ASNS: variants seen among roughly 807,000 people sequenced by gnomAD.
ASNS encodes asparagine synthetase (glutamine-hydrolyzing).
A neutral mutation model predicts 62.6 loss-of-function variants in ASNS; 37 were observed. That is an observed-to-expected ratio of 0.59 (90% CI 0.45 to 0.78). The LOEUF (loss-of-function observed/expected upper bound fraction) is 0.78. ASNS is among the 30% of genes least tolerant of loss of function. The pLI is 0.00. For synonymous variants in ASNS, 207 were observed against 237.9 expected (o/e 0.87, Z 1.19); for missense variants, 520 against 682.4 (o/e 0.76, Z 2.65).
rs557506579 is a variant in ASNS at position 97,854,290 on chromosome 7, G to C, written c.1238+290C>G. Among the ~76,000 whole-genome samples the C allele has an allele frequency of 2.6e-5, 4 of 152,306 alleles. No homozygotes were observed. The East Asian group carries it at 7.7e-4, about 29-fold the overall frequency. On this transcript the variant is annotated intron_variant, in intron 10 of 12. Coordinates refer to ENST00000394308, the MANE Select transcript of ASNS (RefSeq NM_001673.5). ...TTGGTTGTTCAGATGTGAGCAGAAT[G>C]TTGTTACCCTTTAAAGGTGAAAACT...
the ASNS span, among the ~76,000 whole-genome samples, chr7:97,916,696 G>A: frequency 6.6e-6 from 1 of 152,326 alleles, no homozygotes; most frequent in East Asian, 1.9e-4. Context: ...TGTTGCCTGG[G>A]TTTTCTGGAA....
At chr7:97,891,249 C>T in the ASNS span, among the ~76,000 whole-genome samples, 2 of 152,190 alleles carry the variant, frequency 1.3e-5, no homozygotes, top group African/African-American at 2.4e-5. Flanking sequence ...CCTTGTGAGA[C>T]GTATTCACTA....
In ASNS at chr7:97,854,606, G is replaced by A. The variant is rs771358131; in HGVS notation, c.1212C>T (p.Arg404=). Residue 404 remains arginine (R), a synonymous_variant, in exon 10 of 13, where the codon CGC becomes CGT. Coordinates refer to ENST00000394308, the MANE Select transcript of ASNS (RefSeq NM_001673.5). ...LRELYLFDVL[R]ADRTTAAHGL... ...CATGGGCAGCAGTAGTTCGATCTGCGCGGAGAACATCAAACAAATAGAGTT... is the reference window on the plus strand; with the variant it reads ...CATGGGCAGCAGTAGTTCGATCTGCACGGAGAACATCAAACAAATAGAGTT... 23 of 1,613,868 alleles carry A rather than the reference G, an allele frequency of 1.4e-5. No individual in the cohort carries two copies. Among genetic ancestry groups the A allele is most frequent in the East Asian group, 8.9e-5 (4 of 44,878 alleles).
the ASNS span, among the ~76,000 whole-genome samples, chr7:97,900,360 CAAA>C: frequency 4.8e-3 from 433 of 89,348 alleles, no homozygotes; most frequent in African/African-American, 0.023. Context: ...GACTTTGTCT[CAAA>C]AAAAAAAAAA....
the ASNS span, among the ~76,000 whole-genome samples, chr7:97,919,444 A>G: frequency 6.6e-6 from 1 of 152,194 alleles, no homozygotes; most frequent in South Asian, 2.1e-4. Context: ...ATCTGGTCCA[A>G]TTGCAAGAGT....
chr7:97,871,831 T>C (rs937180227), intron 1 of ASNS: 41 of 150,710 alleles, frequency 2.7e-4, no homozygotes, highest in Non-Finnish European at 4.9e-4. Flanking sequence ...GGGTGAGCGG[T>C]CCAGGTGAGG....
At chr7:97,890,829 T>C in the ASNS span, among the ~76,000 whole-genome samples, 1 of 152,216 alleles carries the variant, frequency 6.6e-6, no homozygotes, top group Non-Finnish European at 1.5e-5. Context: ...TTGTTTGTTG[T>C]GGTCCTACAA....
the ASNS span, among the ~76,000 whole-genome samples, chr7:97,910,403 T>C: frequency 6.6e-6 from 1 of 152,196 alleles, no homozygotes; most frequent in African/African-American, 2.4e-5. Flanking sequence ...ACACTCCACG[T>C]GCACTATTTA....
chr7:97,913,015 G>A, the ASNS span: 1 of 151,846 alleles, frequency 6.6e-6, no homozygotes, highest in Non-Finnish European at 1.5e-5. Context: ...GCTCTCACCT[G>A]CCATCTAATC....
At chr7:97,878,489 C>T in the ASNS span, among the ~76,000 whole-genome samples, 16 of 152,306 alleles carry the variant, frequency 1.1e-4, 2 homozygotes, top group African/African-American at 3.1e-4. Context: ...CACAAGCATT[C>T]GTATACACCA....
chr7:97,871,344 T>C (rs1584479814), intron 1 of ASNS, among the ~76,000 whole-genome samples: 2 of 152,176 alleles, frequency 1.3e-5, no homozygotes, highest in African/African-American at 2.4e-5. Flanking sequence ...GCAGTTTCAG[T>C]GCATTTAATT....
chr7:97,870,428 T>C lies in ASNS; in HGVS notation c.-59-615A>G, dbSNP rs17169200. On this transcript the variant is annotated intron_variant, in intron 1 of 12. Coordinates refer to ENST00000394308, the MANE Select transcript of ASNS (RefSeq NM_001673.5). The stretch of plus-strand genomic sequence containing the variant: ...CCTAAGGAAAAAATATACATTCAAG[T>C]TGCATAAGTCACTTTGAGCTATTCT... 6.7e-3 allele frequency: 1,646 copies of C among 246,852 alleles called. 21 individuals carry two copies. The highest frequency in any genetic ancestry group is 0.025 in the African/African-American group (1,127 of 44,402). The allele number at this position is 246,852 out of a possible 1,614,324, so 15.3% of individuals were successfully genotyped here.
the ASNS span, among the ~76,000 whole-genome samples, chr7:97,915,551 A>G: frequency 6.6e-6 from 1 of 152,328 alleles, no homozygotes; most frequent in African/African-American, 2.4e-5. Flanking sequence ...AGGAAGCCGT[A>G]GCTGAGCTAG....
At chr7:97,907,855 C>A in the ASNS span, among the ~76,000 whole-genome samples, 1 of 151,192 alleles carries the variant, frequency 6.6e-6, no homozygotes, top group Non-Finnish European at 1.5e-5. Context: ...AATTTTATAG[C>A]CAGCTAAATT....
chr7:97,855,476 A>AAATTAACT lies in ASNS; in HGVS notation c.1031-25_1031-18dup, dbSNP rs763998170. The AAATTAACT allele has an allele frequency of 6.3e-7, 1 of 1,575,700 alleles. No individual in the cohort carries two copies. The highest frequency in any genetic ancestry group is 1.7e-5 in the Admixed American group (1 of 58,968). ...AATACATACCTTAAATGAGAGAGAG[A>AAATTAACT]AATTAACTTTAATGTCAACATAACC... On this transcript the variant is annotated splice_polypyrimidine_tract_variant and intron_variant, in intron 8 of 12. Transcript: ENST00000394308.
chr7:97,880,854 C>T, the ASNS span, among the ~76,000 whole-genome samples: 23,745 of 152,158 alleles, frequency 0.16, 2,110 homozygotes, highest in Middle Eastern at 0.21. Context: ...GGCTCTGCAG[C>T]CCAGATCAAT....
intron 4 of ASNS, 33 bp downstream of exon 4, chr7:97,864,226 A>G (rs1445552500): frequency 6.4e-7 from 1 of 1,558,016 alleles, no homozygotes. Context: ...AACCAAGACA[A>G]TAATGAAAAT....
chr7:97,892,725 CAT>C, the ASNS span, among the ~76,000 whole-genome samples: 1 of 152,146 alleles, frequency 6.6e-6, no homozygotes, highest in Admixed American at 6.5e-5. Flanking sequence ...CAGGAGTCAC[CAT>C]TGTGCCAGTT....
chr7:97,861,168 C>T (rs902256492), intron 4 of ASNS, among the ~76,000 whole-genome samples: 8 of 151,944 alleles, frequency 5.3e-5, no homozygotes, highest in Non-Finnish European at 1.2e-4. Flanking sequence ...ACTACAGGCG[C>T]CCGCCACCAC....
Sources: allele counts gnomAD v4.1 joint callset (sites outside exome capture counted in the v4.1 genomes callset), GRCh38; gene constraint gnomAD v4.1.1; transcripts MANE v1.5; gene names NCBI Gene and HGNC (gene_info 2026-07-23, HGNC 2026-07-21).